Variants in MYO5B observed in about 807,000 individuals in gnomAD.
The protein encoded by MYO5B is myosin VB.
Under a neutral mutation model 229.3 loss-of-function variants are expected in MYO5B, and 143 were observed. That is an observed-to-expected ratio of 0.62 (90% CI 0.54 to 0.72). The LOEUF is 0.72. Among genes scored for constraint, MYO5B ranks in the 30% least tolerant of loss-of-function variants. The pLI is 0.00. For synonymous variants in MYO5B, 918 were observed against 885.2 expected, an observed-to-expected ratio of 1.04 and a Z score of -0.66; for missense variants, 2,321 against 2,331.0, an observed-to-expected ratio of 1.00 and a Z score of 0.09.
chr18:49,999,914 C>A (rs563952829), intron 5 of MYO5B, among the ~76,000 whole-genome samples: 1 of 152,334 alleles, frequency 6.6e-6, no homozygotes, highest in African/African-American at 2.4e-5. Context: ...AAAAGTTTTT[C>A]TTTTTGTCTG....
intron 30 of MYO5B, among the ~76,000 whole-genome samples, chr18:49,854,535 G>C (rs188643935): frequency 6.6e-6 from 1 of 152,200 alleles, no homozygotes; most frequent in Non-Finnish European, 1.5e-5. Context: ...CCAGCTTTCC[G>C]ATTCAGTGCA....
intron 6 of MYO5B, among the ~76,000 whole-genome samples, chr18:49,990,927 G>A (rs2025924931): frequency 6.6e-6 from 1 of 152,092 alleles, no homozygotes; most frequent in Non-Finnish European, 1.5e-5. Context: ...ATAAGTGGAA[G>A]CTGTGCTTGC....
rs1425460995 is a variant in MYO5B, at chr18:50,090,048, G to A, written c.28-34670C>T. Among the ~76,000 whole-genome samples the A allele has an allele frequency of 2.6e-5, 4 of 152,186 alleles. No homozygotes were observed. The East Asian group carries it at 5.8e-4, about 22-fold the overall frequency. On this transcript the variant is annotated intron_variant, in intron 1 of 39. Coordinates refer to ENST00000285039, the MANE Select transcript of MYO5B (RefSeq NM_001080467.3). ...CTGGCTGGTTTCCGCCCCAACTGGG[G>A]TTCCCTCTCTCGGCTTTGGAGCCCC...
chr18:49,850,110 C>A, intron 31 of MYO5B: 1 of 278,094 alleles, frequency 3.6e-6, no homozygotes, highest in South Asian at 4.0e-5. Flanking sequence ...GGCCCAGCGG[C>A]AAAACAGGAC....
chr18:49,904,857 C>T, intron 19 of MYO5B, 29 bp from the exon 20 acceptor site: 1 of 1,611,466 alleles, frequency 6.2e-7, no homozygotes, highest in Non-Finnish European at 8.5e-7. Flanking sequence ...CAGGCAGTGT[C>T]AGGGAGAGAG....
rs114393742 is a variant in MYO5B, at chr18:50,108,650, T to C, written c.28-53272A>G. ...TATGCAGATGGACCCCCGACAAACA[T>C]GCATCCTTGACAATCCACAGTGCCT... On this transcript the variant is annotated intron_variant, in intron 1 of 39. Transcript: ENST00000285039. Among the ~76,000 whole-genome samples, 476 of 152,134 alleles carry C rather than the reference T, an allele frequency of 3.1e-3. 2 individuals are homozygous for C. The highest frequency in any genetic ancestry group is 0.011 in the African/African-American group (450 of 41,506).
chr18:50,086,445 T>C (rs762981454), intron 1 of MYO5B, among the ~76,000 whole-genome samples: 1 of 152,244 alleles, frequency 6.6e-6, no homozygotes, highest in Non-Finnish European at 1.5e-5. Flanking sequence ...TTAATACACA[T>C]AGATCTGGCT....
chr18:49,954,839 C>T (rs1568046065), intron 12 of MYO5B, among the ~76,000 whole-genome samples: 1 of 152,238 alleles, frequency 6.6e-6, no homozygotes, highest in Non-Finnish European at 1.5e-5. Flanking sequence ...CTCACCCACT[C>T]ACCCAGGTGA....
At chr18:49,860,101 G>C (rs907547394) in intron 29 of MYO5B, among the ~76,000 whole-genome samples, 1 of 152,154 alleles carries the variant, frequency 6.6e-6, no homozygotes, top group African/African-American at 2.4e-5. Context: ...CTGCTAGGAG[G>C]TTTTCTGGGA....
intron 1 of MYO5B, among the ~76,000 whole-genome samples, chr18:50,127,573 G>A (rs747496931): frequency 4.6e-4 from 70 of 152,160 alleles, no homozygotes; most frequent in Non-Finnish European, 6.0e-4. Flanking sequence ...CTGGTGGAGC[G>A]CATAAAAGGT....
chr18:49,886,123 A>G (rs989270104), intron 22 of MYO5B, among the ~76,000 whole-genome samples: 1 of 152,122 alleles, frequency 6.6e-6, no homozygotes, highest in African/African-American at 2.4e-5. Context: ...TATTTTTAGT[A>G]TAGACGGGGT....
At chr18:50,128,537 T>C (rs973805230) in intron 1 of MYO5B, among the ~76,000 whole-genome samples, 11 of 152,092 alleles carry the variant, frequency 7.2e-5, no homozygotes, top group Admixed American at 2.0e-4. Context: ...GGAGAAGACA[T>C]GTGGGGTGCG....
intron 1 of MYO5B, among the ~76,000 whole-genome samples, chr18:50,090,222 A>T (rs1390580805): frequency 6.6e-6 from 1 of 152,020 alleles, no homozygotes. Flanking sequence ...GAGGAATCAA[A>T]TCACCATCTA....
intron 1 of MYO5B, among the ~76,000 whole-genome samples, chr18:50,060,476 T>C (rs567821164): frequency 1.3e-5 from 2 of 152,298 alleles, no homozygotes; most frequent in East Asian, 3.9e-4. Flanking sequence ...CCAATTACCA[T>C]ACCACTCAAT....
intron 36 of MYO5B, among the ~76,000 whole-genome samples, chr18:49,838,570 A>G (rs552020214): frequency 6.6e-6 from 1 of 152,338 alleles, no homozygotes; most frequent in African/African-American, 2.4e-5. Flanking sequence ...AAGCATTATG[A>G]ATAGGTCCAG....
At position 49,953,335 on chromosome 18, in the gene MYO5B, G is replaced by T; in HGVS notation, c.1677C>A (p.Tyr559Ter). 5 of 1,614,080 alleles carry T rather than the reference G, an allele frequency of 3.1e-6. No individual in the cohort carries two copies. The highest frequency in any genetic ancestry group is 4.2e-6 in the Non-Finnish European group (5 of 1,179,964). Residue 559 changes from tyrosine to a stop codon, truncating the protein, a stop_gained, in exon 14 of 40, where the codon TAC becomes TAA. Transcript: ENST00000285039. LOFTEE classifies it high-confidence loss of function. ...IIVHFADKVE[Y>*]LSDGFLEKNR... ...TTTTCTCCAGAAAACCATCAGAGAG[G>T]TACTCCACCTGGGGCCACAGCAACC...
chr18:49,872,332 T>C (rs1324680789), intron 26 of MYO5B, 100 bp from the exon 27 acceptor site: 2 of 1,159,068 alleles, frequency 1.7e-6, no homozygotes, highest in Non-Finnish European at 1.3e-6. Flanking sequence ...TGCCTGTGCG[T>C]GAATACCCAA....
intron 1 of MYO5B, among the ~76,000 whole-genome samples, chr18:50,095,022 G>C (rs1486188269): frequency 6.6e-6 from 1 of 152,084 alleles, no homozygotes; most frequent in Non-Finnish European, 1.5e-5. Flanking sequence ...TAGAGACAAG[G>C]TTTTGCCATG....
In MYO5B at chr18:50,133,238, C is replaced by T. The variant is rs1423439857; in HGVS notation, c.27+61529G>A. ...AAGAGATTCAAGCCATACAGAAACA[C>T]TATTTTTGTTCTCTGTCTTCTCTAG... On this transcript the variant is annotated intron_variant, in intron 1 of 39. Transcript: ENST00000285039. 5.5e-5 allele frequency among the ~76,000 whole-genome samples: 8 copies of T among 146,724 alleles called. No individual in the cohort carries two copies. In the East Asian group the frequency reaches 1.2e-3, roughly 22 times the overall value.
Sources: gnomAD v4.1 joint callset for allele counts (sites outside exome capture counted in the v4.1 genomes callset) on GRCh38, gnomAD v4.1.1 for gene constraint, MANE v1.5 for transcripts, NCBI Gene and HGNC (gene_info 2026-07-23, HGNC 2026-07-21) for gene names.